Variants in XIRP2 observed in about 807,000 individuals in gnomAD.
The protein encoded by XIRP2 is xin actin-binding repeat-containing protein 2.
XIRP2 carries 236 observed loss-of-function variants against 277.0 expected under a neutral mutation model. The observed-to-expected ratio is 0.85, with a 90% CI of 0.77 to 0.95. XIRP2 has a LOEUF of 0.95. Among genes scored for constraint, XIRP2 ranks in the 40% least tolerant of loss-of-function variants. The pLI, the probability that XIRP2 is intolerant of heterozygous loss-of-function variation, is 0.00. For missense variants in XIRP2, 4,640 were observed against 4,157.5 expected (o/e 1.12, Z -3.19); for synonymous variants, 1,490 against 1,416.5 (o/e 1.05, Z -1.17).
intron 10 of XIRP2, among the ~76,000 whole-genome samples, chr2:167,257,551 A>G (rs1695693294): frequency 6.6e-6 from 1 of 151,958 alleles, no homozygotes; most frequent in Non-Finnish European, 1.5e-5. Flanking sequence ...GCCTCACATA[A>G]ATCATTGAAT....
chr2:167,090,760 A>G lies in XIRP2; in HGVS notation c.409-45149A>G, dbSNP rs1459132517. Among the ~76,000 whole-genome samples, 3 of 152,042 alleles carry G rather than the reference A, an allele frequency of 2.0e-5. No individual in the cohort carries two copies. The East Asian group carries it at 5.8e-4, about 29-fold the overall frequency. On this transcript the variant is annotated intron_variant, in intron 2 of 10. Transcript: ENST00000409195. ...CCTGGCTTTATAACAACCCACACTC[A>G]AGGGGAACCAATCCATTCCTGCAAG... is the stretch of plus-strand genomic sequence containing the variant.
intron 5 of XIRP2, among the ~76,000 whole-genome samples, chr2:167,218,704 T>A (rs1016267364): frequency 6.6e-6 from 1 of 152,218 alleles, no homozygotes; most frequent in Admixed American, 6.5e-5. Flanking sequence ...ATTATTCAGC[T>A]GTTTATTGTG....
At chr2:167,161,375 G>C (rs1470856472) in intron 3 of XIRP2, among the ~76,000 whole-genome samples, 1 of 148,448 alleles carries the variant, frequency 6.7e-6, no homozygotes, top group Non-Finnish European at 1.5e-5. Flanking sequence ...TTCCGCATGA[G>C]AGCACTGCCC....
At chr2:167,225,762 G>C (rs1694578949) in intron 5 of XIRP2, among the ~76,000 whole-genome samples, 1 of 152,038 alleles carries the variant, frequency 6.6e-6, no homozygotes, top group Non-Finnish European at 1.5e-5. Flanking sequence ...GTCTTACTCT[G>C]GTAAAAATTA....
chr2:167,219,330 T>C (rs1559026534), intron 5 of XIRP2, among the ~76,000 whole-genome samples: 2 of 152,220 alleles, frequency 1.3e-5, no homozygotes, highest in Admixed American at 1.3e-4. Context: ...TGTGATCTAA[T>C]ACATAACTGT....
intron 3 of XIRP2, among the ~76,000 whole-genome samples, chr2:167,168,285 C>T (rs1039432467): frequency 2.0e-4 from 31 of 152,224 alleles, no homozygotes; most frequent in African/African-American, 7.0e-4. Context: ...TCTAACATTA[C>T]TTTGCGGGAA....
At chr2:167,088,130 G>C (rs1430920538) in intron 2 of XIRP2, among the ~76,000 whole-genome samples, 1 of 152,038 alleles carries the variant, frequency 6.6e-6, no homozygotes, top group East Asian at 1.9e-4. Flanking sequence ...GCAAAATCAT[G>C]GATGTTTAAA....
At chr2:167,156,929 G>T (rs1322979999) in intron 3 of XIRP2, among the ~76,000 whole-genome samples, 4 of 151,680 alleles carry the variant, frequency 2.6e-5, no homozygotes. Flanking sequence ...GCCTCTTCTG[G>T]GTTTCCCTCT....
intron 10 of XIRP2, 125 bp downstream of exon 10, chr2:167,254,290 A>G: frequency 8.6e-7 from 1 of 1,162,248 alleles, no homozygotes; most frequent in Non-Finnish European, 1.1e-6. Context: ...ACAACCACAC[A>G]GGGAGATTTG....
In XIRP2 at chr2:167,243,084, G is replaced by C; in HGVS notation, c.1692G>C (p.Leu564Phe). The C allele has an allele frequency of 6.2e-7, 1 of 1,614,048 alleles. No individual in the cohort carries two copies. Among genetic ancestry groups the C allele is most frequent in the South Asian group, 1.1e-5 (1 of 91,076 alleles). ...QKDLNSEREYLEWDEILKGEV... is the reference protein window; with the variant it reads ...QKDLNSEREYFEWDEILKGEV... Reference sequence around the variant, plus strand: ...ATCTGAACTCAGAAAGAGAATACTTGGAATGGGATGAAATTCTGAAGGGAG... The same window carrying C: ...ATCTGAACTCAGAAAGAGAATACTTCGAATGGGATGAAATTCTGAAGGGAG... The change falls in exon 9 of 11, where the codon TTG becomes TTC. Residue 564 changes from leucine (L) to phenylalanine (F), a missense_variant. Leu to Phe is a conservative substitution (Grantham distance 22). Coordinates refer to ENST00000409195, the MANE Select transcript of XIRP2 (RefSeq NM_152381.6).
At chr2:166,998,549 A>G (rs1687285186) in intron 2 of XIRP2, among the ~76,000 whole-genome samples, 1 of 152,156 alleles carries the variant, frequency 6.6e-6, no homozygotes, top group South Asian at 2.1e-4. Context: ...AGGTAGGAGA[A>G]TGGCGTGAAC....
At chr2:167,031,018 C>CTTTTTTTTTTTT (rs35008535) in intron 2 of XIRP2, among the ~76,000 whole-genome samples, 2 of 144,216 alleles carry the variant, frequency 1.4e-5, no homozygotes, top group African/African-American at 2.5e-5. Flanking sequence ...GCAAGCTTTG[C>CTTTTTTTTTTTT]TTTTTTTTTT....
At chr2:167,096,089 T>A (rs2105280978) in intron 2 of XIRP2, among the ~76,000 whole-genome samples, 1 of 151,718 alleles carries the variant, frequency 6.6e-6, no homozygotes, top group South Asian at 2.1e-4. Context: ...GTCCCTCTTT[T>A]TTTTTATTAT....
intron 2 of XIRP2, among the ~76,000 whole-genome samples, chr2:167,056,369 G>A (rs1446338251): frequency 6.6e-6 from 1 of 152,072 alleles, no homozygotes; most frequent in African/African-American, 2.4e-5. Context: ...CATTTCTGCA[G>A]GTTATCTTTC....
At chr2:167,229,528 G>A (rs536059823) in intron 5 of XIRP2, among the ~76,000 whole-genome samples, 13 of 152,106 alleles carry the variant, frequency 8.5e-5, no homozygotes, top group South Asian at 2.1e-4. Flanking sequence ...CTTTTTCCAC[G>A]TAGTTACTTT....
chr2:167,155,800 T>C (rs941470405), intron 3 of XIRP2, among the ~76,000 whole-genome samples: 2 of 151,746 alleles, frequency 1.3e-5, no homozygotes, highest in African/African-American at 4.8e-5. Context: ...AAAGAGGAAG[T>C]CAAATTGTCC....
intron 2 of XIRP2, among the ~76,000 whole-genome samples, chr2:167,041,921 C>A (rs773631529): frequency 2.0e-5 from 3 of 152,098 alleles, no homozygotes; most frequent in Non-Finnish European, 4.4e-5. Flanking sequence ...ATGTAAAAGG[C>A]AGCTAGAAGC....
intron 2 of XIRP2, among the ~76,000 whole-genome samples, chr2:166,959,512 T>C (rs779473473): frequency 4.9e-4 from 75 of 151,924 alleles, no homozygotes; most frequent in Middle Eastern, 3.4e-3. Context: ...AGCTATGAAG[T>C]GTTTCCCTCA....
At chr2:167,080,417 C>T (rs1689698230) in intron 2 of XIRP2, among the ~76,000 whole-genome samples, 1 of 152,126 alleles carries the variant, frequency 6.6e-6, no homozygotes, top group Non-Finnish European at 1.5e-5. Context: ...GATGCACCTT[C>T]AGGGACAGAA....
Sources: gnomAD v4.1 joint callset for allele counts (sites outside exome capture counted in the v4.1 genomes callset) on GRCh38, gnomAD v4.1.1 for gene constraint, MANE v1.5 for transcripts, NCBI Gene and HGNC (gene_info 2026-07-23, HGNC 2026-07-21) for gene names.